MYH9: variants seen among roughly 807,000 people sequenced by gnomAD.
MYH9 encodes the protein myosin heavy chain 9, also known as myosin-9.
In MYH9, 29 loss-of-function variants were observed where a neutral mutation model predicts 241.9. The observed-to-expected ratio is 0.12, with a 90% CI of 0.09 to 0.16. The LOEUF is 0.16. Among genes scored for constraint, MYH9 ranks in the 10% least tolerant of loss-of-function variants. The pLI is 1.00. For synonymous variants in MYH9, 1,047 were observed against 1,062.6 expected, an observed-to-expected ratio of 0.99 and a Z score of 0.29; for missense variants, 1,803 against 2,595.5, an observed-to-expected ratio of 0.69 and a Z score of 6.63.
In MYH9 at chr22:36,329,606, A is replaced by G. The variant is rs2017391101; in HGVS notation, c.491-2118T>C. ...CGTGAGCAGCCAACGGCCCAATGCT[A>G]CCATAAAAGGAAACATTCCCCAACC... On this transcript the variant is annotated intron_variant, in intron 3 of 40. Transcript: ENST00000216181. The surrounding 1 kb of genome is among the most constrained non-coding windows in gnomAD (Gnocchi z 4.1). 1.3e-5 allele frequency among the ~76,000 whole-genome samples: 2 copies of G among 152,318 alleles called. No homozygotes were observed. The highest frequency in any genetic ancestry group is 6.5e-5 in the Admixed American group (1 of 15,290).
chr22:36,338,055 T>C (rs1286274860), intron 3 of MYH9, among the ~76,000 whole-genome samples: 1 of 151,988 alleles, frequency 6.6e-6, no homozygotes, highest in African/African-American at 2.4e-5. Context: ...TGGAGTCCAA[T>C]GACACGATCT....
At position 36,322,481 on chromosome 22, in the gene MYH9, A is replaced by G. The variant is rs2017270121; in HGVS notation, c.653T>C (p.Leu218Pro). ...ERQLLQANPI[L>P]EAFGNAKTVK... ...GGTCTTGGCGTTCCCGAAGGCCTCC[A>G]GGATGGGGTTGGCCTGCAGCAGCTG... The change falls in exon 6 of 41, where the codon CTG (leucine) becomes CCG (proline). Residue 218 changes from leucine to proline, a missense_variant. This residue lies in a region of MYH9 where 222 missense variants were observed against 359.9 expected (regional missense o/e 0.62). Transcript: ENST00000216181. The G allele has an allele frequency of 6.2e-7, 1 of 1,613,682 alleles. No homozygotes were observed. The highest frequency in any genetic ancestry group is 1.3e-5 in the African/African-American group (1 of 74,954).
chr22:36,301,086 T>C (rs767047856), intron 21 of MYH9, 29 bp from the exon 22 acceptor site: 2 of 1,596,400 alleles, frequency 1.3e-6, no homozygotes, highest in South Asian at 1.1e-5. Context: ...AAACACAAGC[T>C]CCTCGCAACA....
At chr22:36,368,843 G>C (rs533825490) in intron 1 of MYH9, among the ~76,000 whole-genome samples, 3 of 146,642 alleles carry the variant, frequency 2.0e-5, no homozygotes, top group African/African-American at 7.5e-5. Flanking sequence ...AAGAGCCTGC[G>C]AAGCCTGCCC....
intron 13 of MYH9, among the ~76,000 whole-genome samples, chr22:36,312,489 C>T (rs535620912): frequency 6.6e-6 from 1 of 152,204 alleles, no homozygotes; most frequent in Non-Finnish European, 1.5e-5. Context: ...ATGAAAAGTG[C>T]ACATCCGCTG....
chr22:36,297,092 G>A (rs1022849850), intron 24 of MYH9, 78 bp from the exon 25 acceptor site: 94 of 1,511,754 alleles, frequency 6.2e-5, no homozygotes, highest in Non-Finnish European at 8.3e-5. Context: ...ACAAAATACT[G>A]AGCACTCGTT....
chr22:36,354,956 A>AAC (rs136203), intron 1 of MYH9, among the ~76,000 whole-genome samples: 13,346 of 123,542 alleles, frequency 0.11, 801 homozygotes, highest in South Asian at 0.14. Context: ...CAAAAAACAA[A>AAC]ACACACACAC....
At chr22:36,291,311 G>A (rs913709314) in intron 31 of MYH9, among the ~76,000 whole-genome samples, 2 of 152,242 alleles carry the variant, frequency 1.3e-5, no homozygotes, top group African/African-American at 4.8e-5. Flanking sequence ...ATACATGGGA[G>A]ACTTTTCATT....
At chr22:36,310,877 A>G (rs1382015188) in intron 14 of MYH9, among the ~76,000 whole-genome samples, 1 of 151,916 alleles carries the variant, frequency 6.6e-6, no homozygotes, top group Non-Finnish European at 1.5e-5. Flanking sequence ...TGGAGAAAGG[A>G]GGCTCGGGAA....
In MYH9 at chr22:36,298,883, C is replaced by T. The variant is rs114407833; in HGVS notation, c.3100+36G>A. The T allele has an allele frequency of 4.5e-4, 724 of 1,611,338 alleles. 4 individuals are homozygous for T. The African/African-American group carries it at 8.3e-3, about 18-fold the overall frequency. On this transcript the variant is annotated intron_variant, in intron 24 of 40. Coordinates refer to ENST00000216181, the MANE Select transcript of MYH9 (RefSeq NM_002473.6). ...CTGACCGCCAGCCCTTGCCCGCCAG[C>T]CCCTGCCCATCACCTCCTGCTCGTC...
At chr22:36,308,261 T>C (rs2017003339) in intron 15 of MYH9, among the ~76,000 whole-genome samples, 1 of 150,688 alleles carries the variant, frequency 6.6e-6, no homozygotes, top group Admixed American at 6.6e-5. Flanking sequence ...CAATTTTTGC[T>C]GTTTTAAGAT....
chr22:36,307,061 G>A (rs2016982079), intron 15 of MYH9, among the ~76,000 whole-genome samples: 2 of 152,068 alleles, frequency 1.3e-5, no homozygotes, highest in South Asian at 4.1e-4. Context: ...CACTGACCCT[G>A]TCATAAGAGC....
chr22:36,357,649 A>C (rs1474211480), intron 1 of MYH9, among the ~76,000 whole-genome samples: 1 of 152,200 alleles, frequency 6.6e-6, no homozygotes, highest in Non-Finnish European at 1.5e-5. Flanking sequence ...CTATGAAGCC[A>C]GACCTCTCAG....
intron 2 of MYH9, among the ~76,000 whole-genome samples, chr22:36,343,899 C>T (rs918352658): frequency 2.0e-5 from 3 of 152,120 alleles, no homozygotes; most frequent in Non-Finnish European, 4.4e-5. Context: ...TTGAGAAAAC[C>T]CACACTCTAG....
At chr22:36,286,392 C>T (rs925527199) in intron 35 of MYH9, among the ~76,000 whole-genome samples, 4 of 152,186 alleles carry the variant, frequency 2.6e-5, no homozygotes, top group Non-Finnish European at 5.9e-5. Context: ...CACTTCAGGA[C>T]GGGCTCAGGT....
intron 4 of MYH9, 76 bp downstream of exon 4, chr22:36,327,385 G>C: frequency 6.4e-7 from 1 of 1,560,434 alleles, no homozygotes; most frequent in Non-Finnish European, 8.8e-7. Flanking sequence ...CCCCAGTTGT[G>C]GTTTCAGTAG....
chr22:36,382,600 C>A (rs949127601), intron 1 of MYH9, among the ~76,000 whole-genome samples: 1 of 152,128 alleles, frequency 6.6e-6, no homozygotes, highest in African/African-American at 2.4e-5. Flanking sequence ...GTCGGAAGTT[C>A]GAGACCAGCC....
At chr22:36,299,466 C>T (rs533387506) in intron 23 of MYH9, among the ~76,000 whole-genome samples, 2 of 152,350 alleles carry the variant, frequency 1.3e-5, no homozygotes, top group South Asian at 2.1e-4. Context: ...CGCGGTGCCC[C>T]GGGCTGCTCT....
At position 36,293,800 on chromosome 22, in the gene MYH9, T is replaced by C. The variant is rs1264986897; in HGVS notation, c.3901A>G (p.Lys1301Glu). Reference protein sequence around the residue: ...QSDSKSSKLTKDFSALESQLQ... With the variant: ...QSDSKSSKLTEDFSALESQLQ... ...TGGGACTCCAGCGCGGAGAAGTCCT[T>C]GGTGAGCTTGCTGGACTTGCTGTCG... is the stretch of plus-strand genomic sequence containing the variant. Residue 1301 changes from lysine to glutamate, a missense_variant, in exon 29 of 41, where the codon AAG becomes GAG. Around this residue, in one of 11 missense-constraint regions of MYH9, gnomAD observed 876 missense variants for 1,077.8 expected, o/e 0.81. Coordinates refer to ENST00000216181, the MANE Select transcript of MYH9 (RefSeq NM_002473.6). The surrounding 1 kb of genome is among the most constrained non-coding windows in gnomAD (Gnocchi z 5.1). The C allele has an allele frequency of 6.2e-7, 1 of 1,613,794 alleles. No homozygotes were observed. Among genetic ancestry groups the C allele is most frequent in the Non-Finnish European group, 8.5e-7 (1 of 1,180,008 alleles).
Sources: gnomAD v4.1 joint callset for allele counts (sites outside exome capture counted in the v4.1 genomes callset) on GRCh38, gnomAD v4.1.1 for gene constraint, gnomAD v4.1.1 regional missense constraint, Gnocchi (gnomAD v3.1) non-coding constraint, MANE v1.5 for transcripts, NCBI Gene and HGNC (gene_info 2026-07-23, HGNC 2026-07-21) for gene names.